Variants in R3HCC1L observed in about 807,000 individuals in gnomAD.
R3HCC1L encodes R3H domain and coiled-coil containing 1 like.
R3HCC1L carries 51 observed loss-of-function variants against 59.9 expected under a neutral mutation model. The observed-to-expected ratio is 0.85, with a 90% CI of 0.68 to 1.07. R3HCC1L has a LOEUF of 1.07. Among genes scored for constraint, R3HCC1L ranks in the 50% least tolerant of loss-of-function variants. R3HCC1L has a pLI of 0.00. For missense variants in R3HCC1L, 965 were observed against 933.0 expected, an observed-to-expected ratio of 1.03 and a Z score of -0.45; for synonymous variants, 322 against 315.2, an observed-to-expected ratio of 1.02 and a Z score of -0.23.
At chr10:98,172,749 C>T (rs1322449841) in intron 4 of R3HCC1L, among the ~76,000 whole-genome samples, 1 of 152,216 alleles carries the variant, frequency 6.6e-6, no homozygotes, top group Non-Finnish European at 1.5e-5. Context: ...CGGGATGTGG[C>T]AGCAAGTGCA....
At chr10:98,152,828 A>G (rs1316574475) in intron 1 of R3HCC1L, among the ~76,000 whole-genome samples, 15 of 121,384 alleles carry the variant, frequency 1.2e-4, no homozygotes, top group South Asian at 2.7e-4. Context: ...GAGCCCCTCC[A>G]CCCGGCAGCC....
intron 1 of R3HCC1L, among the ~76,000 whole-genome samples, chr10:98,142,447 G>A (rs1032504125): frequency 6.6e-6 from 1 of 151,956 alleles, no homozygotes; most frequent in African/African-American, 2.4e-5. Flanking sequence ...AGACCAGCCC[G>A]GCCAATGTGG....
At chr10:98,155,143 A>T (rs1368875926) in intron 1 of R3HCC1L, among the ~76,000 whole-genome samples, 2 of 152,160 alleles carry the variant, frequency 1.3e-5, no homozygotes, top group Non-Finnish European at 2.9e-5. Flanking sequence ...TTTTTGGCCA[A>T]TGTTTTTAAT....
chr10:98,211,379 A>G (rs1386451203), intron 5 of R3HCC1L: 1 of 1,517,630 alleles, frequency 6.6e-7, no homozygotes, highest in Non-Finnish European at 8.8e-7. Context: ...TCAGAATGTG[A>G]GTAGGGAACT....
chr10:98,171,479 A>G (rs963675607), intron 4 of R3HCC1L, among the ~76,000 whole-genome samples: 4 of 152,208 alleles, frequency 2.6e-5, no homozygotes, highest in African/African-American at 9.6e-5. Flanking sequence ...CTATCATGAC[A>G]TCAAATAGAA....
intron 5 of R3HCC1L, among the ~76,000 whole-genome samples, chr10:98,217,522 T>G (rs2135405634): frequency 6.6e-6 from 1 of 152,298 alleles, no homozygotes; most frequent in South Asian, 2.1e-4. Context: ...CCATTCAAAT[T>G]TTAGTATTGT....
chr10:98,189,690 T>C (rs1260253033), intron 4 of R3HCC1L, among the ~76,000 whole-genome samples: 1 of 152,210 alleles, frequency 6.6e-6, no homozygotes, highest in Non-Finnish European at 1.5e-5. Context: ...AATATATCAT[T>C]GTATTATAAT....
chr10:98,239,391 A>C (rs1422478491), intron 9 of R3HCC1L, among the ~76,000 whole-genome samples: 1 of 152,200 alleles, frequency 6.6e-6, no homozygotes, highest in East Asian at 1.9e-4. Flanking sequence ...ATTGAAATCT[A>C]TATATCATCC....
At chr10:98,151,638 T>C (rs1028530270) in intron 1 of R3HCC1L, among the ~76,000 whole-genome samples, 1 of 152,168 alleles carries the variant, frequency 6.6e-6, no homozygotes, top group Non-Finnish European at 1.5e-5. Flanking sequence ...CATAGAGATA[T>C]GTTTTTTAAG....
intron 7 of R3HCC1L, 122 bp downstream of exon 7, chr10:98,234,638 G>C: frequency 1.0e-6 from 1 of 993,660 alleles, no homozygotes; most frequent in Non-Finnish European, 1.5e-6. Flanking sequence ...TAATAGGGCA[G>C]TTAGTGGTTT....
intron 1 of R3HCC1L, among the ~76,000 whole-genome samples, chr10:98,147,025 A>G (rs10786397): frequency 0.26 from 39,745 of 152,030 alleles, 6,139 homozygotes; most frequent in South Asian, 0.42. Flanking sequence ...ATTCCCTCCA[A>G]CAGTGTAGGA....
At chr10:98,227,659 G>A (rs1590804125) in intron 5 of R3HCC1L, among the ~76,000 whole-genome samples, 1 of 151,198 alleles carries the variant, frequency 6.6e-6, no homozygotes, top group Non-Finnish European at 1.5e-5. Context: ...GTATACAGGT[G>A]CCATGTTGGT....
At chr10:98,207,246 T>G (rs1852797478) in intron 4 of R3HCC1L, among the ~76,000 whole-genome samples, 1 of 152,236 alleles carries the variant, frequency 6.6e-6, no homozygotes, top group African/African-American at 2.4e-5. Context: ...TTCATAGCAT[T>G]ATTTTGAAAA....
At chr10:98,241,800 T>C (rs1857562746) in intron 9 of R3HCC1L, among the ~76,000 whole-genome samples, 1 of 152,232 alleles carries the variant, frequency 6.6e-6, no homozygotes, top group Non-Finnish European at 1.5e-5. Flanking sequence ...ATTCAGTTCT[T>C]TCACTGGCTG....
At chr10:98,153,184 G>A (rs1846446545) in intron 1 of R3HCC1L, among the ~76,000 whole-genome samples, 1 of 152,224 alleles carries the variant, frequency 6.6e-6, no homozygotes. Flanking sequence ...GGGAAAGGTG[G>A]GGAGAAGATA....
chr10:98,178,513 G>C (rs1849280966), intron 4 of R3HCC1L, among the ~76,000 whole-genome samples: 1 of 152,174 alleles, frequency 6.6e-6, no homozygotes. Flanking sequence ...CTCCAGCTTT[G>C]TTCTTTTGGC....
At chr10:98,183,233 T>C (rs1849836069) in intron 4 of R3HCC1L, among the ~76,000 whole-genome samples, 1 of 152,212 alleles carries the variant, frequency 6.6e-6, no homozygotes, top group African/African-American at 2.4e-5. Context: ...TTTTCATGGA[T>C]ATAGATTTCT....
chr10:98,179,371 A>T (rs1199913955), intron 4 of R3HCC1L, among the ~76,000 whole-genome samples: 3 of 151,694 alleles, frequency 2.0e-5, no homozygotes, highest in Non-Finnish European at 4.4e-5. Context: ...ACATTTATTG[A>T]TTTATGTATG....
intron 4 of R3HCC1L, 129 bp from the exon 5 acceptor site, chr10:98,207,972 C>T: frequency 1.2e-6 from 1 of 846,420 alleles, no homozygotes; most frequent in African/African-American, 1.7e-5. Flanking sequence ...TTACAGTGAG[C>T]TGAGATCGCT....
Sources: allele counts gnomAD v4.1 joint callset (sites outside exome capture counted in the v4.1 genomes callset), GRCh38; gene constraint gnomAD v4.1.1; transcripts MANE v1.5; gene names NCBI Gene and HGNC (gene_info 2026-07-23, HGNC 2026-07-21).